Variants in SLC35F1 observed in about 807,000 individuals in gnomAD.
SLC35F1 encodes the protein chromosome 6 open reading frame 169.
In SLC35F1, 14 loss-of-function variants were observed where a neutral mutation model predicts 48.7. That is an observed-to-expected ratio of 0.29 (90% CI 0.19 to 0.45). SLC35F1 has a LOEUF of 0.45. Ranked by LOEUF, SLC35F1 falls within the 20% of genes least tolerant of loss-of-function variation. The pLI is 1.00. For synonymous variants in SLC35F1, 190 were observed against 202.2 expected, an observed-to-expected ratio of 0.94 and a Z score of 0.51; for missense variants, 404 against 500.0, an observed-to-expected ratio of 0.81 and a Z score of 1.83.
chr6:118,105,368 C>T (rs1020313103), intron 1 of SLC35F1, among the ~76,000 whole-genome samples: 2 of 152,186 alleles, frequency 1.3e-5, no homozygotes, highest in Non-Finnish European at 2.9e-5. Context: ...TCTCTTCTTT[C>T]TTAATCTTTT....
intron 1 of SLC35F1, among the ~76,000 whole-genome samples, chr6:117,941,802 G>A (rs1325132238): frequency 6.6e-6 from 1 of 152,176 alleles, no homozygotes; most frequent in Non-Finnish European, 1.5e-5. Context: ...TTTTCCGAAA[G>A]AAAACAGTCC....
chr6:118,199,900 A>G (rs553602454), intron 2 of SLC35F1, among the ~76,000 whole-genome samples: 7 of 152,346 alleles, frequency 4.6e-5, no homozygotes, highest in South Asian at 2.1e-4. Flanking sequence ...TTACAACCAC[A>G]TTGTTGTATT....
At chr6:118,235,137 T>G (rs1380871895) in intron 2 of SLC35F1, among the ~76,000 whole-genome samples, 1 of 152,134 alleles carries the variant, frequency 6.6e-6, no homozygotes, top group African/African-American at 2.4e-5. Context: ...TTTATCACAA[T>G]CCTGAAATTT....
chr6:118,147,607 G>A (rs770818351), intron 1 of SLC35F1, among the ~76,000 whole-genome samples: 2 of 152,150 alleles, frequency 1.3e-5, no homozygotes, highest in Non-Finnish European at 2.9e-5. Context: ...ACGGAGCTTA[G>A]TTAGTGGAAC....
At chr6:118,109,376 T>C (rs969565324) in intron 1 of SLC35F1, among the ~76,000 whole-genome samples, 3 of 152,162 alleles carry the variant, frequency 2.0e-5, no homozygotes, top group Non-Finnish European at 4.4e-5. Context: ...GACCAATACC[T>C]CTAGAAAGTT....
At chr6:117,922,580 CAGTTATTATTTT>C (rs1775913854) in intron 1 of SLC35F1, among the ~76,000 whole-genome samples, 1 of 152,192 alleles carries the variant, frequency 6.6e-6, no homozygotes, top group East Asian at 1.9e-4. Context: ...TTTAGTTAAT[CAGTTATTATTTT>C]AGTAATCAAC....
At chr6:118,031,062 A>G (rs550744405) in intron 1 of SLC35F1, among the ~76,000 whole-genome samples, 1 of 152,246 alleles carries the variant, frequency 6.6e-6, no homozygotes, top group African/African-American at 2.4e-5. Context: ...AGCCTCCCTC[A>G]CTATCAACAT....
At chr6:117,956,378 A>G (rs907380211) in intron 1 of SLC35F1, among the ~76,000 whole-genome samples, 1 of 152,200 alleles carries the variant, frequency 6.6e-6, no homozygotes, top group Non-Finnish European at 1.5e-5. Context: ...GAGAGAACAT[A>G]TAAGGGGCAA....
rs190251162 is a variant in SLC35F1, at chr6:118,161,630, G to A, written c.349+7010G>A. ...CTCCACCCCTATTTCTTGTCAGGTT[G>A]CATTTATTTTTACTTCCTAAGTATG... On this transcript the variant is annotated intron_variant, in intron 2 of 7. Coordinates refer to ENST00000360388, the MANE Select transcript of SLC35F1 (RefSeq NM_001029858.4). Among the ~76,000 whole-genome samples the A allele has an allele frequency of 4.5e-3, 684 of 152,286 alleles. 6 individuals are homozygous for A. Among genetic ancestry groups the A allele is most frequent in the Non-Finnish European group, 6.2e-3 (424 of 68,018 alleles).
chr6:118,234,046 A>G (rs1180378395), intron 2 of SLC35F1, among the ~76,000 whole-genome samples: 2 of 152,222 alleles, frequency 1.3e-5, no homozygotes, highest in African/African-American at 4.8e-5. Context: ...TATCATGGTC[A>G]TTGGAATACA....
intron 4 of SLC35F1, among the ~76,000 whole-genome samples, chr6:118,268,684 A>G (rs1378768567): frequency 7.2e-6 from 1 of 138,598 alleles, no homozygotes; most frequent in East Asian, 2.2e-4. Context: ...ATTTCAGCTC[A>G]CTGCAACCTC....
At chr6:117,914,168 A>T in intron 1 of SLC35F1, among the ~76,000 whole-genome samples, 1 of 151,880 alleles carries the variant, frequency 6.6e-6, no homozygotes, top group African/African-American at 2.4e-5. Flanking sequence ...ACACACGTGT[A>T]TATGTGTGTG....
At chr6:118,210,771 G>T (rs1169072012) in intron 2 of SLC35F1, among the ~76,000 whole-genome samples, 1 of 152,164 alleles carries the variant, frequency 6.6e-6, no homozygotes, top group Non-Finnish European at 1.5e-5. Context: ...CAACCACTTT[G>T]TTGAGGGTAA....
chr6:118,072,705 A>G (rs1324732767), intron 1 of SLC35F1, among the ~76,000 whole-genome samples: 1 of 152,190 alleles, frequency 6.6e-6, no homozygotes, highest in Non-Finnish European at 1.5e-5. Flanking sequence ...TTTAGGAATA[A>G]TACATTTGAA....
intron 1 of SLC35F1, among the ~76,000 whole-genome samples, chr6:118,134,662 G>A (rs1224866028): frequency 6.6e-6 from 1 of 152,216 alleles, no homozygotes; most frequent in Non-Finnish European, 1.5e-5. Context: ...GTTTGTCTTT[G>A]CTTCCTGAGT....
Position 118,097,189 on chromosome 6 carries a change from T to A in SLC35F1, c.174-57256T>A, listed in dbSNP as rs34901663. On this transcript the variant is annotated intron_variant, in intron 1 of 7. Transcript: ENST00000360388. ...CACATTCTGAAAACGACCTACAAAG[T>A]TCCCCCTCATTGGACTCCCACCTCA... Among the ~76,000 whole-genome samples the A allele has an allele frequency of 8.1e-3, 1,236 of 152,254 alleles. 10 individuals are homozygous for A. Among genetic ancestry groups the A allele is most frequent in the Non-Finnish European group, 0.013 (882 of 68,010 alleles).
intron 1 of SLC35F1, among the ~76,000 whole-genome samples, chr6:118,030,686 A>G (rs1315408697): frequency 6.6e-6 from 1 of 152,204 alleles, no homozygotes; most frequent in Non-Finnish European, 1.5e-5. Context: ...TTCACACCAA[A>G]TAATCAAACA....
intron 1 of SLC35F1, among the ~76,000 whole-genome samples, chr6:117,987,690 G>A (rs886417026): frequency 6.6e-6 from 1 of 152,170 alleles, no homozygotes; most frequent in African/African-American, 2.4e-5. Context: ...GAAGAACAAA[G>A]ACAAACTCAT....
chr6:117,946,940 T>G (rs778272639), intron 1 of SLC35F1, among the ~76,000 whole-genome samples: 16 of 152,208 alleles, frequency 1.1e-4, no homozygotes, highest in Non-Finnish European at 2.1e-4. Flanking sequence ...CAAGCACATT[T>G]TTAGGTTTTG....
Sources: gnomAD v4.1 joint callset for allele counts (sites outside exome capture counted in the v4.1 genomes callset) on GRCh38, gnomAD v4.1.1 for gene constraint, MANE v1.5 for transcripts, NCBI Gene and HGNC (gene_info 2026-07-23, HGNC 2026-07-21) for gene names.